Variants in SULF1 observed in about 807,000 individuals in gnomAD.
The protein encoded by SULF1 is extracellular sulfatase Sulf-1.
SULF1 carries 46 observed loss-of-function variants against 110.5 expected under a neutral mutation model. The ratio of observed to expected loss-of-function variants is 0.42; its 90% CI spans 0.33 to 0.53. The LOEUF is 0.53. Ranked by LOEUF, SULF1 falls within the 20% of genes least tolerant of loss-of-function variation. The pLI is 0.12. For missense variants in SULF1, 941 were observed against 1,094.2 expected, an observed-to-expected ratio of 0.86 and a Z score of 1.98; for synonymous variants, 371 against 387.1, an observed-to-expected ratio of 0.96 and a Z score of 0.49.
At chr8:69,491,389 G>C (rs1809935168), upstream of SULF1, among the ~76,000 whole-genome samples, 1 of 152,172 alleles carries the variant, frequency 6.6e-6, no homozygotes, top group African/African-American at 2.4e-5. Flanking sequence ...CATAAAATCA[G>C]TCCCAGAAGC....
In SULF1 at chr8:69,513,648, G is replaced by C. The variant is rs145401443; in HGVS notation, c.-134+11680G>C. Reference sequence around the variant, plus strand: ...ATTTGTGATCAGGTGCCTGAAATGAGGTAATTTAATTTGAACAAAGCCCTT... The same window carrying C: ...ATTTGTGATCAGGTGCCTGAAATGACGTAATTTAATTTGAACAAAGCCCTT... On this transcript the variant is annotated intron_variant, in intron 3 of 22. Transcript: ENST00000402687. 3.2e-3 allele frequency among the ~76,000 whole-genome samples: 486 copies of C among 152,330 alleles called. 1 individual carries two copies. The highest frequency in any genetic ancestry group is 0.011 in the African/African-American group (461 of 41,576).
intron 19 of SULF1, among the ~76,000 whole-genome samples, chr8:69,634,988 GT>G (rs1315752172): frequency 3.9e-5 from 6 of 152,100 alleles, no homozygotes. Flanking sequence ...TAGAGAAGGG[GT>G]TTCGCCATGT....
intron 19 of SULF1, among the ~76,000 whole-genome samples, chr8:69,630,470 T>C (rs1322103184): frequency 1.3e-5 from 2 of 152,208 alleles, no homozygotes; most frequent in East Asian, 1.9e-4. Flanking sequence ...TAGACCATTC[T>C]TGGGGGGATC....
At chr8:69,614,916 CAGA>C (rs1808965918) in intron 13 of SULF1, among the ~76,000 whole-genome samples, 1 of 152,142 alleles carries the variant, frequency 6.6e-6, no homozygotes, top group Non-Finnish European at 1.5e-5. Flanking sequence ...ATAAATCAGA[CAGA>C]AGGAGAACGG....
At chr8:69,552,813 TG>T in intron 3 of SULF1, among the ~76,000 whole-genome samples, 1 of 152,356 alleles carries the variant, frequency 6.6e-6, no homozygotes, top group East Asian at 1.9e-4. Flanking sequence ...TCGTTTGTTA[TG>T]TAAAAAAATG....
intron 13 of SULF1, among the ~76,000 whole-genome samples, chr8:69,615,066 G>A (rs187479174): frequency 6.6e-6 from 1 of 152,340 alleles, no homozygotes; most frequent in East Asian, 1.9e-4. Context: ...AAGACAGTGT[G>A]ACAGCTGTGT....
chr8:69,479,687 C>T lies in SULF1; in HGVS notation c.-391+12737C>T, dbSNP rs182270277. Among the ~76,000 whole-genome samples the T allele has an allele frequency of 4.6e-5, 7 of 152,218 alleles. No individual in the cohort carries two copies. The East Asian group carries it at 1.4e-3, about 29-fold the overall frequency. Reference sequence around the variant, plus strand: ...ATCTAAGCAGAATGTTGGAGGCATACCTTAGAGATCATCTAAGCAGAATCT... The same window carrying T: ...ATCTAAGCAGAATGTTGGAGGCATATCTTAGAGATCATCTAAGCAGAATCT... On this transcript the variant is annotated intron_variant, in intron 1 of 22. Transcript: ENST00000260128.
intron 9 of SULF1, among the ~76,000 whole-genome samples, 186 bp from the exon 10 acceptor site, chr8:69,601,468 A>G (rs1397373411): frequency 6.6e-6 from 1 of 152,204 alleles, no homozygotes; most frequent in Non-Finnish European, 1.5e-5. Flanking sequence ...GTTACATTTC[A>G]CCTTTACCAT....
chr8:69,554,420 A>G (rs1728556584), intron 3 of SULF1, among the ~76,000 whole-genome samples: 2 of 152,182 alleles, frequency 1.3e-5, no homozygotes, highest in South Asian at 4.1e-4. Context: ...TGGCTCTTAA[A>G]ATTTTCATTC....
intron 1 of SULF1, among the ~76,000 whole-genome samples, chr8:69,484,943 A>G (rs1299951392): frequency 1.3e-5 from 2 of 151,878 alleles, no homozygotes; most frequent in Admixed American, 6.6e-5. Context: ...AGCTCAAGCT[A>G]CTGTCCTGCC....
At chr8:69,554,949 A>G (rs1424550125) in intron 3 of SULF1, among the ~76,000 whole-genome samples, 7 of 125,090 alleles carry the variant, frequency 5.6e-5, no homozygotes, top group African/African-American at 2.4e-4. Flanking sequence ...ACTGCACTCC[A>G]GCCTGGGCGA....
rs913354556 is a variant in SULF1 at position 69,623,971 on chromosome 8, C to A, written c.1624C>A (p.Gln542Lys). Residue 542 changes from glutamine (Q) to lysine (K), a missense_variant, in exon 15 of 23, where the codon CAG (glutamine) becomes AAG (lysine). Physicochemically the swap from Gln to Lys is moderately conservative, Grantham distance 53 (BLOSUM62 1). Coordinates refer to ENST00000402687, the MANE Select transcript of SULF1 (RefSeq NM_001128205.2). The stretch of plus-strand genomic sequence containing the variant: ...CAAGCCCAGATTTGTCCATACTCGG[C>A]AGACACGTTCCTTGTCCGTCGAATT... ...KYKPRFVHTRQTRSLSVEFEG... is the reference protein window; with the variant it reads ...KYKPRFVHTRKTRSLSVEFEG... The A allele has an allele frequency of 6.2e-7, 1 of 1,613,932 alleles. No individual in the cohort carries two copies. Among genetic ancestry groups the A allele is most frequent in the African/African-American group, 1.3e-5 (1 of 74,956 alleles).
intron 22 of SULF1, among the ~76,000 whole-genome samples, chr8:69,656,341 A>C (rs184012236): frequency 9.2e-5 from 14 of 152,060 alleles, no homozygotes; most frequent in Admixed American, 8.5e-4. Context: ...AAGTTCTGGG[A>C]TACATGTGCA....
At chr8:69,551,953 A>G (rs1814751442) in intron 3 of SULF1, among the ~76,000 whole-genome samples, 1 of 152,182 alleles carries the variant, frequency 6.6e-6, no homozygotes, top group South Asian at 2.1e-4. Flanking sequence ...TTAACTGGAC[A>G]TGGTGGTGCA....
chr8:69,614,854 T>G lies in SULF1; in HGVS notation c.1378-6181T>G, dbSNP rs968803460. On this transcript the variant is annotated intron_variant, in intron 13 of 22. Transcript: ENST00000402687. ...TATCTAGCACCTCACCCATAATTGC[T>G]GTGCAGAAATATTTGTGGAATGACT... Among the ~76,000 whole-genome samples, 3 of 152,362 alleles carry G rather than the reference T, an allele frequency of 2.0e-5. No individual in the cohort carries two copies. In the South Asian group the frequency reaches 6.2e-4, roughly 32 times the overall value.
At chr8:69,550,293 G>A (rs1274979211) in intron 3 of SULF1, among the ~76,000 whole-genome samples, 1 of 151,996 alleles carries the variant, frequency 6.6e-6, no homozygotes, top group Non-Finnish European at 1.5e-5. Flanking sequence ...AAAAAAATGA[G>A]TGAAAATAGT....
intron 3 of SULF1, among the ~76,000 whole-genome samples, chr8:69,509,915 T>A (rs1811440939): frequency 1.3e-5 from 2 of 152,220 alleles, no homozygotes; most frequent in African/African-American, 4.8e-5. Context: ...TTAAACAGCT[T>A]TCTGGTTGTG....
At chr8:69,515,102 C>A (rs1163206991) in intron 3 of SULF1, among the ~76,000 whole-genome samples, 1 of 152,184 alleles carries the variant, frequency 6.6e-6, no homozygotes, top group Non-Finnish European at 1.5e-5. Flanking sequence ...AGGCAATGCC[C>A]CTGTGGGAAC....
Position 69,660,028 on chromosome 8 carries a change from G to A in SULF1, c.*1493G>A, listed in dbSNP as rs577948871. On this transcript the variant is annotated 3_prime_UTR_variant, in exon 23 of 23. Coordinates refer to ENST00000402687, the MANE Select transcript of SULF1 (RefSeq NM_001128205.2). ...AAAGGCATGGCTAATAATGTTGGTG[G>A]TGAAAATAAATAAATAAGTAAACAA... 2.6e-5 allele frequency: 4 copies of A among 152,678 alleles called. No individual in the cohort carries two copies. Among genetic ancestry groups the A allele is most frequent in the Admixed American group, 6.5e-5 (1 of 15,276 alleles). The allele number at this position is 152,678 out of a possible 1,614,324, so 9.5% of individuals were successfully genotyped here.
Sources: gnomAD v4.1 joint callset for allele counts (sites outside exome capture counted in the v4.1 genomes callset) on GRCh38, gnomAD v4.1.1 for gene constraint, MANE v1.5 for transcripts, NCBI Gene and HGNC (gene_info 2026-07-23, HGNC 2026-07-21) for gene names.